Variants in SCAMP4 observed in about 807,000 individuals in gnomAD.
SCAMP4 encodes the protein secretory carrier-associated membrane protein 4.
A neutral mutation model predicts 32.1 loss-of-function variants in SCAMP4; 19 were observed. That is an observed-to-expected ratio of 0.59 (90% CI 0.41 to 0.87). The LOEUF is 0.87. Ranked by LOEUF, SCAMP4 falls within the 40% of genes least tolerant of loss-of-function variation. SCAMP4 has a pLI of 0.00. For missense variants in SCAMP4, 302 were observed against 309.0 expected, an observed-to-expected ratio of 0.98 and a Z score of 0.17; for synonymous variants, 152 against 132.7, an observed-to-expected ratio of 1.15 and a Z score of -1.00.
intron 1 of SCAMP4, chr19:1,906,534 G>GTC (rs906723511): frequency 5.3e-5 from 8 of 152,012 alleles, no homozygotes; most frequent in African/African-American, 1.9e-4. Flanking sequence ...GCGAGACCCT[G>GTC]TCTCTAAATA....
chr19:1,917,358 C>T (rs2013765842), intron 2 of SCAMP4, among the ~76,000 whole-genome samples: 1 of 152,240 alleles, frequency 6.6e-6, no homozygotes, highest in African/African-American at 2.4e-5. Flanking sequence ...AGTTATCTGA[C>T]AGTTCTGGAG....
chr19:1,924,151 C>T lies in SCAMP4; in HGVS notation c.557C>T (p.Ala186Val). The change falls in exon 7 of 7, where the codon GCA (alanine) becomes GTA (valine). Residue 186 changes from alanine (A) to valine (V), a missense_variant. Transcript: ENST00000316097. The stretch of plus-strand genomic sequence containing the variant: ...GGGGCTGGCGGAAGCTTCCAGAAGG[C>T]ACAGACGGAGTGGAACACGGGCACT... Reference protein sequence around the residue: ...YRGAGGSFQKAQTEWNTGTWR... With the variant: ...YRGAGGSFQKVQTEWNTGTWR... 1 of 1,611,696 alleles carries T rather than the reference C, an allele frequency of 6.2e-7. No individual in the cohort carries two copies. Among genetic ancestry groups the T allele is most frequent in the Non-Finnish European group, 8.5e-7 (1 of 1,179,084 alleles).
chr19:1,921,992 TC>T, intron 5 of SCAMP4: 1 of 985,420 alleles, frequency 1.0e-6, no homozygotes, highest in Non-Finnish European at 1.2e-6. Context: ...CCCGGACACA[TC>T]CGGGGGTGTG....
rs1658669124 is a variant in SCAMP4 at position 1,925,340 on chromosome 19, C to T, written c.*1056C>T. The T allele has an allele frequency of 6.6e-6, 1 of 152,372 alleles. No homozygotes were observed. Among genetic ancestry groups the T allele is most frequent in the Admixed American group, 6.6e-5 (1 of 15,260 alleles). 9.4% of individuals were successfully genotyped at this position (152,372 alleles called of 1,614,324 possible). A position where few individuals can be genotyped will look rare whatever the true frequency, so the allele number is the denominator to read the frequency against. ...CTCGAACTCCTGACCTCAAGTGATC[C>T]ACCCGCCTTGGCCTCCCAAAGTGCT... On this transcript the variant is annotated 3_prime_UTR_variant, in exon 7 of 7. Transcript: ENST00000316097.
chr19:1,916,699 C>T (rs1713325019), intron 2 of SCAMP4, among the ~76,000 whole-genome samples: 1 of 152,148 alleles, frequency 6.6e-6, no homozygotes, highest in South Asian at 2.1e-4. Context: ...CTCCAGCAGC[C>T]CTCCTGCCTC....
intron 1 of SCAMP4, among the ~76,000 whole-genome samples, chr19:1,910,973 T>TG (rs2013413100): frequency 6.6e-6 from 1 of 151,904 alleles, no homozygotes; most frequent in African/African-American, 2.4e-5. Context: ...TTCAACCTTC[T>TG]GGGTTCTCCT....
At chr19:1,923,284 C>T (rs2013979176) in intron 6 of SCAMP4, 97 bp downstream of exon 6, 2 of 1,067,086 alleles carry the variant, frequency 1.9e-6, no homozygotes, top group Non-Finnish European at 1.3e-6. Flanking sequence ...GAGCCGGGCC[C>T]TCTCCCCACG....
chr19:1,905,746 C>T (rs977859374), intron 1 of SCAMP4: 1 of 152,376 alleles, frequency 6.6e-6, no homozygotes, highest in Non-Finnish European at 1.5e-5. Context: ...ACCCCGTATC[C>T]TCCAGCTGCT....
At chr19:1,912,581 G>A in intron 1 of SCAMP4, 2 of 1,496,370 alleles carry the variant, frequency 1.3e-6, no homozygotes, top group South Asian at 1.2e-5. Context: ...CCCTGGCTGG[G>A]CGGCTCTTCT....
chr19:1,911,288 C>G (rs2013432571), intron 1 of SCAMP4, among the ~76,000 whole-genome samples: 1 of 152,068 alleles, frequency 6.6e-6, no homozygotes, highest in South Asian at 2.1e-4. Context: ...CCTCCTGTTT[C>G]AGCTTCTCGA....
chr19:1,912,852 C>G (rs755159942), intron 1 of SCAMP4: 1 of 1,597,118 alleles, frequency 6.3e-7, no homozygotes, highest in South Asian at 1.1e-5. Context: ...CTCCTTCGCC[C>G]CGGCCGCTGC....
intron 5 of SCAMP4, chr19:1,921,536 T>C: frequency 3.0e-6 from 3 of 985,432 alleles, no homozygotes; most frequent in Non-Finnish European, 3.6e-6. Flanking sequence ...GACAGTGTGC[T>C]GGGTGCCTCC....
chr19:1,920,383 T>A, intron 5 of SCAMP4: 1 of 840,138 alleles, frequency 1.2e-6, no homozygotes, highest in Non-Finnish European at 1.4e-6. Flanking sequence ...GTCCCAGGTT[T>A]CCTGGGATGG....
chr19:1,923,861 G>A (rs927742691), intron 6 of SCAMP4, among the ~76,000 whole-genome samples: 9 of 120,664 alleles, frequency 7.5e-5, no homozygotes, highest in Non-Finnish European at 7.8e-5. Context: ...TCCTGACCTC[G>A]TGATCCTCCC....
intron 5 of SCAMP4, chr19:1,920,684 C>G (rs1358777426): frequency 2.0e-6 from 2 of 985,410 alleles, no homozygotes; most frequent in East Asian, 2.3e-4. Flanking sequence ...GCTCGTCATC[C>G]TCCGAGTCCT....
rs947635477 is a variant in SCAMP4, at chr19:1,905,668, C to T, written c.-42+229C>T. On this transcript the variant is annotated intron_variant, in intron 1 of 6. Coordinates refer to ENST00000316097, the MANE Select transcript of SCAMP4 (RefSeq NM_079834.4). ...CGCGCGGCGCTGGCCTGGGGGAAGC[C>T]TCAGGACCGCGCTCCCCCGGGCCTA... 13 of 157,024 alleles carry T rather than the reference C, an allele frequency of 8.3e-5. No homozygotes were observed. The East Asian group carries it at 1.9e-3, about 24-fold the overall frequency. The allele number at this position is 157,024 out of a possible 1,614,324, so 9.7% of individuals were successfully genotyped here. A position where few individuals can be genotyped will look rare whatever the true frequency, so the allele number is the denominator to read the frequency against.
chr19:1,917,163 G>A (rs1004615356), intron 2 of SCAMP4, among the ~76,000 whole-genome samples: 6 of 152,164 alleles, frequency 3.9e-5, no homozygotes, highest in African/African-American at 9.7e-5. Flanking sequence ...AAAATTAGCC[G>A]GGTGTGGTGG....
chr19:1,921,819 A>G (rs1458818004), intron 5 of SCAMP4: 3 of 567,172 alleles, frequency 5.3e-6, no homozygotes, highest in Non-Finnish European at 6.7e-6. Flanking sequence ...ATCTCTCCAG[A>G]AAAAAAAAAA....
At chr19:1,917,860 G>A (rs1335560144) in intron 3 of SCAMP4, 38 bp downstream of exon 3, 3 of 1,611,242 alleles carry the variant, frequency 1.9e-6, no homozygotes, top group Admixed American at 3.3e-5. Context: ...GAAGCGGGAG[G>A]CAGGGCTCCC....
Sources: gnomAD v4.1 joint callset for allele counts (sites outside exome capture counted in the v4.1 genomes callset) on GRCh38, gnomAD v4.1.1 for gene constraint, MANE v1.5 for transcripts, NCBI Gene and HGNC (gene_info 2026-07-23, HGNC 2026-07-21) for gene names.